Variants in NFIC observed in about 807,000 individuals in gnomAD.
NFIC encodes the protein nuclear factor I C.
NFIC carries 12 observed loss-of-function variants against 54.4 expected under a neutral mutation model. That is an observed-to-expected ratio of 0.22 (90% CI 0.14 to 0.36). The LOEUF (loss-of-function observed/expected upper bound fraction) is 0.36, where lower values mean the gene tolerates loss of function less well. NFIC is among the 10% of genes least tolerant of loss of function. The pLI, the probability that NFIC is intolerant of heterozygous loss-of-function variation, is 1.00. For missense variants in NFIC, 575 were observed against 718.2 expected, an observed-to-expected ratio of 0.80 and a Z score of 2.28; for synonymous variants, 322 against 319.2, an observed-to-expected ratio of 1.01 and a Z score of -0.09.
chr19:3,378,995 T>C (rs1185777563), intron 1 of NFIC, among the ~76,000 whole-genome samples: 1 of 152,146 alleles, frequency 6.6e-6, no homozygotes, highest in African/African-American at 2.4e-5. Flanking sequence ...TGCCTGTGGA[T>C]CTCAGCCAGG....
intron 6 of NFIC, among the ~76,000 whole-genome samples, chr19:3,447,039 C>CTATA (rs1038433043): frequency 6.6e-6 from 1 of 152,150 alleles, no homozygotes; most frequent in African/African-American, 2.4e-5. Context: ...TGGCTCACGC[C>CTATA]TATAATCCCA....
intron 1 of NFIC, among the ~76,000 whole-genome samples, chr19:3,379,317 C>T (rs908916615): frequency 6.6e-6 from 1 of 152,082 alleles, no homozygotes. Flanking sequence ...CTCGGTCTCC[C>T]AAAGTGCTAG....
At chr19:3,371,167 T>C (rs1568399403) in intron 1 of NFIC, among the ~76,000 whole-genome samples, 1 of 152,082 alleles carries the variant, frequency 6.6e-6, no homozygotes, top group Non-Finnish European at 1.5e-5. Flanking sequence ...CAAATAAGTG[T>C]TGCTGTGCTT....
chr19:3,360,016 C>T (rs2080789566), intron 1 of NFIC, among the ~76,000 whole-genome samples: 1 of 149,822 alleles, frequency 6.7e-6, no homozygotes, highest in African/African-American at 2.4e-5. Flanking sequence ...CCTCCCCGGG[C>T]CAGACCCCAG....
intron 1 of NFIC, 99 bp from the exon 2 acceptor site, chr19:3,381,613 T>G (rs2081209478): frequency 1.4e-6 from 2 of 1,471,576 alleles, no homozygotes; most frequent in African/African-American, 2.8e-5. Flanking sequence ...ACTCTGCGGG[T>G]CTGTTCAGGG....
At chr19:3,435,299 G>T in intron 6 of NFIC, 92 bp downstream of exon 6, 1 of 1,433,982 alleles carries the variant, frequency 7.0e-7, no homozygotes, top group Non-Finnish European at 9.2e-7. Flanking sequence ...CGGGCGCCGC[G>T]GGGCAGGAAG....
At chr19:3,368,509 G>C (rs1384693698) in intron 1 of NFIC, among the ~76,000 whole-genome samples, 3 of 152,202 alleles carry the variant, frequency 2.0e-5, no homozygotes, top group Admixed American at 2.0e-4. Context: ...CTGCGTGCAA[G>C]AGACAGAGAT....
chr19:3,413,091 G>A (rs552177828), intron 2 of NFIC, among the ~76,000 whole-genome samples: 170 of 152,264 alleles, frequency 1.1e-3, no homozygotes, highest in Middle Eastern at 0.01. Flanking sequence ...TGGGATTACA[G>A]GTGTGTGCCA....
chr19:3,362,409 C>CTG (rs35259047), upstream of NFIC, among the ~76,000 whole-genome samples: 16,938 of 149,176 alleles, frequency 0.11, 978 homozygotes, highest in African/African-American at 0.12. Context: ...CCATGTGGGT[C>CTG]TGTGTGTGTG....
At chr19:3,364,586 A>G (rs111694333), upstream of NFIC, among the ~76,000 whole-genome samples, 771 of 152,222 alleles carry the variant, frequency 5.1e-3, 5 homozygotes, top group African/African-American at 0.017. Flanking sequence ...CCCACATGCT[A>G]TGTAAAGACT....
At chr19:3,445,150 T>C (rs781703030) in intron 6 of NFIC, among the ~76,000 whole-genome samples, 7 of 150,134 alleles carry the variant, frequency 4.7e-5, no homozygotes, top group Non-Finnish European at 1.0e-4. Context: ...GCTGTGCACA[T>C]GCGTGCAGGC....
At position 3,369,416 on chromosome 19, in the gene NFIC, C is replaced by T. The variant is rs1021923293; in HGVS notation, c.30+2750C>T. 6.6e-6 allele frequency among the ~76,000 whole-genome samples: 1 copy of T among 151,498 alleles called. No individual in the cohort carries two copies. Among genetic ancestry groups the T allele is most frequent in the Non-Finnish European group, 1.5e-5 (1 of 67,506 alleles). On this transcript the variant is annotated intron_variant, in intron 1 of 10. Coordinates refer to ENST00000443272, the MANE Select transcript of NFIC (RefSeq NM_001245002.2). The surrounding 1 kb of genome is among the most constrained non-coding windows in gnomAD (Gnocchi z 4.3). ...TCTCTCTGTCTCTGGGCCTCCCTCT[C>T]CCCCTTTTCCCAGCTAATTTTACAA... is the stretch of plus-strand genomic sequence containing the variant.
At chr19:3,435,448 A>G (rs2082186154) in intron 6 of NFIC, among the ~76,000 whole-genome samples, 2 of 151,378 alleles carry the variant, frequency 1.3e-5, no homozygotes, top group South Asian at 4.2e-4. Context: ...CCCCTGCCTG[A>G]CTCTCCTGCC....
intron 1 of NFIC, among the ~76,000 whole-genome samples, chr19:3,380,354 G>A (rs2081185986): frequency 1.1e-5 from 1 of 90,098 alleles, no homozygotes. Context: ...TTTCACTCTT[G>A]GCACCCAGGC....
At chr19:3,362,341 G>A (rs1255343275), upstream of NFIC, among the ~76,000 whole-genome samples, 1 of 152,062 alleles carries the variant, frequency 6.6e-6, no homozygotes, top group African/African-American at 2.4e-5. Context: ...CATGCGTTGT[G>A]CTTGTCAAGA....
rs2082591065 is a variant in NFIC at position 3,458,336 on chromosome 19, A to G, written c.1509+1701A>G. On this transcript the variant is annotated intron_variant, in intron 10 of 10. Coordinates refer to ENST00000443272, the MANE Select transcript of NFIC (RefSeq NM_001245002.2). The surrounding 1 kb of genome is among the most constrained non-coding windows in gnomAD (Gnocchi z 4.1). ...TCCCTGCCCCTGCGGGAGGCTGGGA[A>G]CGTCTTAAGTGGTTCAGAAACCAAA... 1.3e-5 allele frequency among the ~76,000 whole-genome samples: 2 copies of G among 152,148 alleles called. No individual in the cohort carries two copies. Among genetic ancestry groups the G allele is most frequent in the African/African-American group, 4.8e-5 (2 of 41,434 alleles).
At chr19:3,391,742 A>T (rs949173999) in intron 2 of NFIC, among the ~76,000 whole-genome samples, 3 of 152,132 alleles carry the variant, frequency 2.0e-5, no homozygotes, top group Non-Finnish European at 2.9e-5. Context: ...GGTTGCGGTG[A>T]GCTGAGATTG....
rs931608731 is a variant in NFIC at position 3,369,791 on chromosome 19, G to A, written c.30+3125G>A. ...GCGCCACCGCCACGTTAGTTATTCCGGGTTTGGGGCCAAGTCCCTCTTGGC... is the reference window on the plus strand; with the variant it reads ...GCGCCACCGCCACGTTAGTTATTCCAGGTTTGGGGCCAAGTCCCTCTTGGC... On this transcript the variant is annotated intron_variant, in intron 1 of 10. Transcript: ENST00000443272. The surrounding 1 kb of genome is among the most constrained non-coding windows in gnomAD (Gnocchi z 4.3). Among the ~76,000 whole-genome samples the A allele has an allele frequency of 3.3e-5, 5 of 152,160 alleles. No homozygotes were observed. Among genetic ancestry groups the A allele is most frequent in the Non-Finnish European group, 7.4e-5 (5 of 68,016 alleles).
rs2081097072 is a variant in NFIC, at chr19:3,375,791, G to A, written c.31-5921G>A. Among the ~76,000 whole-genome samples, 1 of 152,222 alleles carries A rather than the reference G, an allele frequency of 6.6e-6. No homozygotes were observed. The highest frequency in any genetic ancestry group is 1.5e-5 in the Non-Finnish European group (1 of 68,038). ...CGGAGGTGGCCCAAGGGGACGTGGA[G>A]CACAGAGCAGGGAGGGTGATCTGGC... is the stretch of plus-strand genomic sequence containing the variant. On this transcript the variant is annotated intron_variant, in intron 1 of 10. Transcript: ENST00000443272. This position sits in a 1 kb window ranked among gnomAD's most constrained non-coding sequence, Gnocchi z 4.6.
Sources: gnomAD v4.1 joint callset for allele counts (sites outside exome capture counted in the v4.1 genomes callset) on GRCh38, gnomAD v4.1.1 for gene constraint, Gnocchi (gnomAD v3.1) non-coding constraint, MANE v1.5 for transcripts, NCBI Gene and HGNC (gene_info 2026-07-23, HGNC 2026-07-21) for gene names.